Variants in SLC9A9 observed in about 807,000 individuals in gnomAD.
The protein encoded by SLC9A9 is solute carrier family 9 member A9, also known as sodium/hydrogen exchanger 9.
SLC9A9 carries 62 observed loss-of-function variants against 77.8 expected under a neutral mutation model. The observed-to-expected ratio is 0.80, with a 90% CI of 0.65 to 0.98. The LOEUF is 0.98. Ranked by LOEUF, SLC9A9 falls within the 50% of genes least tolerant of loss-of-function variation. The pLI, the probability that SLC9A9 is intolerant of heterozygous loss-of-function variation, is 0.00. For missense variants in SLC9A9, 775 were observed against 774.9 expected (o/e 1.00, Z 0.00); for synonymous variants, 320 against 283.5 (o/e 1.13, Z -1.29).
rs2036503382 is a variant in SLC9A9 at position 143,531,075 on chromosome 3, A to T, written c.1089+21287T>A. Among the ~76,000 whole-genome samples the T allele has an allele frequency of 4.6e-5, 7 of 152,374 alleles. No homozygotes were observed. In the South Asian group the frequency reaches 1.5e-3, roughly 32 times the overall value. On this transcript the variant is annotated intron_variant, in intron 9 of 15. Transcript: ENST00000316549. ...ACAAACATTTTGTAAAAACTAATGC[A>T]TGAAAACTAATTTAATCTTTACAAC...
chr3:143,320,044 T>A (rs754710751), intron 14 of SLC9A9, among the ~76,000 whole-genome samples: 1 of 152,202 alleles, frequency 6.6e-6, no homozygotes, highest in African/African-American at 2.4e-5. Context: ...TGGAGATAGA[T>A]CCCACTTAGT....
intron 6 of SLC9A9, among the ~76,000 whole-genome samples, chr3:143,632,849 G>A (rs1047581443): frequency 1.3e-5 from 2 of 152,118 alleles, no homozygotes; most frequent in African/African-American, 4.8e-5. Flanking sequence ...CCACAAACAT[G>A]GACACAATTC....
At chr3:143,578,001 A>C (rs1041248655) in intron 7 of SLC9A9, among the ~76,000 whole-genome samples, 2 of 152,092 alleles carry the variant, frequency 1.3e-5, no homozygotes. Flanking sequence ...TATCATCCCA[A>C]CTTCCTAACA....
chr3:143,484,303 CCAGA>C (rs2035621304), intron 11 of SLC9A9, among the ~76,000 whole-genome samples: 1 of 152,150 alleles, frequency 6.6e-6, no homozygotes, highest in South Asian at 2.1e-4. Context: ...CCAGAAAAGG[CCAGA>C]CAGTGTGTTG....
At chr3:143,482,113 A>G (rs1260049564) in intron 11 of SLC9A9, among the ~76,000 whole-genome samples, 1 of 152,240 alleles carries the variant, frequency 6.6e-6, no homozygotes, top group Non-Finnish European at 1.5e-5. Context: ...CATGAGCTGC[A>G]GAACAGTGCT....
chr3:143,592,260 C>T (rs927413543), intron 6 of SLC9A9, among the ~76,000 whole-genome samples: 3 of 152,208 alleles, frequency 2.0e-5, no homozygotes, highest in African/African-American at 7.2e-5. Context: ...GGCGCAGTGG[C>T]TCACGCCTGT....
At chr3:143,623,003 A>G (rs2038249342) in intron 6 of SLC9A9, among the ~76,000 whole-genome samples, 1 of 152,232 alleles carries the variant, frequency 6.6e-6, no homozygotes, top group African/African-American at 2.4e-5. Flanking sequence ...AACAAAGACC[A>G]AAAGAGACAA....
At chr3:143,589,478 A>G (rs1191683710) in intron 6 of SLC9A9, among the ~76,000 whole-genome samples, 2 of 152,172 alleles carry the variant, frequency 1.3e-5, no homozygotes, top group Non-Finnish European at 2.9e-5. Flanking sequence ...ATACAGAAAT[A>G]CTTACCATTG....
At chr3:143,423,872 C>A (rs766307757) in intron 12 of SLC9A9, among the ~76,000 whole-genome samples, 3 of 152,178 alleles carry the variant, frequency 2.0e-5, no homozygotes, top group Non-Finnish European at 4.4e-5. Flanking sequence ...AAGAAGAATG[C>A]AGCACTGCTT....
chr3:143,552,570 T>C (rs2036911746), intron 8 of SLC9A9, 120 bp from the exon 9 acceptor site: 1 of 777,800 alleles, frequency 1.3e-6, no homozygotes, highest in Non-Finnish European at 2.2e-6. Context: ...TGCTAGTAGT[T>C]ACCATGATAA....
chr3:143,624,427 G>C (rs1019044257), intron 6 of SLC9A9, among the ~76,000 whole-genome samples: 1 of 152,078 alleles, frequency 6.6e-6, no homozygotes, highest in Non-Finnish European at 1.5e-5. Flanking sequence ...ATGATCAAGT[G>C]GGCTTCATCC....
intron 2 of SLC9A9, among the ~76,000 whole-genome samples, chr3:143,819,400 A>G (rs1274732405): frequency 6.6e-6 from 1 of 152,246 alleles, no homozygotes; most frequent in Non-Finnish European, 1.5e-5. Flanking sequence ...CATCTACATA[A>G]TTCTAAACAT....
At chr3:143,331,747 C>T (rs36125127) in intron 14 of SLC9A9, among the ~76,000 whole-genome samples, 1 of 152,186 alleles carries the variant, frequency 6.6e-6, no homozygotes, top group Non-Finnish European at 1.5e-5. Context: ...ATTTAACCAA[C>T]ATTTACTGAG....
intron 5 of SLC9A9, among the ~76,000 whole-genome samples, chr3:143,658,424 T>A (rs538872645): frequency 6.6e-6 from 1 of 152,368 alleles, no homozygotes; most frequent in African/African-American, 2.4e-5. Context: ...TCCTGAGATC[T>A]TAGTATCTTT....
chr3:143,279,818 G>A (rs572438135), intron 14 of SLC9A9, among the ~76,000 whole-genome samples: 1 of 152,194 alleles, frequency 6.6e-6, no homozygotes, highest in East Asian at 1.9e-4. Flanking sequence ...CCTTAGAGCA[G>A]CCTTTGTTTT....
chr3:143,388,961 G>C (rs1475450349), intron 12 of SLC9A9, among the ~76,000 whole-genome samples: 1 of 152,160 alleles, frequency 6.6e-6, no homozygotes, highest in Non-Finnish European at 1.5e-5. Context: ...GGTTGGGGAG[G>C]GGACTCCAGG....
chr3:143,774,120 G>C (rs1160086292), intron 4 of SLC9A9, among the ~76,000 whole-genome samples: 1 of 152,302 alleles, frequency 6.6e-6, no homozygotes, highest in Admixed American at 6.5e-5. Context: ...TAAATAATCA[G>C]TGAACTAGTA....
intron 4 of SLC9A9, among the ~76,000 whole-genome samples, chr3:143,756,716 A>G (rs1210539897): frequency 6.6e-6 from 1 of 152,182 alleles, no homozygotes; most frequent in Non-Finnish European, 1.5e-5. Flanking sequence ...ACTTCATACA[A>G]TAAAATATGT....
chr3:143,271,069 A>G (rs1192333174), intron 14 of SLC9A9, among the ~76,000 whole-genome samples: 2 of 152,072 alleles, frequency 1.3e-5, no homozygotes. Flanking sequence ...CATACTGTCT[A>G]CACTACTTGC....
Sources: gnomAD v4.1 joint callset for allele counts (sites outside exome capture counted in the v4.1 genomes callset) on GRCh38, gnomAD v4.1.1 for gene constraint, MANE v1.5 for transcripts, NCBI Gene and HGNC (gene_info 2026-07-23, HGNC 2026-07-21) for gene names.